Variants in NBAS observed in about 807,000 individuals in gnomAD.
NBAS encodes the protein NBAS subunit of NRZ tethering complex.
In NBAS, 219 loss-of-function variants were observed where a neutral mutation model predicts 302.5. That is an observed-to-expected ratio of 0.72 (90% CI 0.65 to 0.81). The LOEUF is 0.81. Among genes scored for constraint, NBAS ranks in the 30% least tolerant of loss-of-function variants. The pLI is 0.00. For missense variants in NBAS, 2,932 were observed against 2,841.6 expected (o/e 1.03, Z -0.72); for synonymous variants, 1,118 against 1,021.6 (o/e 1.09, Z -1.80).
the NBAS span, among the ~76,000 whole-genome samples, chr2:14,799,550 C>G: frequency 6.6e-6 from 1 of 152,066 alleles, no homozygotes; most frequent in Non-Finnish European, 1.5e-5. Context: ...TATTGGTACT[C>G]TGTTCTAAAA....
At chr2:14,864,421 A>C in the NBAS span, among the ~76,000 whole-genome samples, 1 of 152,258 alleles carries the variant, frequency 6.6e-6, no homozygotes, top group Non-Finnish European at 1.5e-5. Flanking sequence ...AGGTAGCCAT[A>C]GGGTAACCAG....
chr2:15,330,238 TCTC>T (rs2148231476), intron 36 of NBAS, among the ~76,000 whole-genome samples: 1 of 152,280 alleles, frequency 6.6e-6, no homozygotes, highest in East Asian at 1.9e-4. Context: ...GTTCAACTGT[TCTC>T]CTTCCTGAGA....
the NBAS span, among the ~76,000 whole-genome samples, chr2:14,821,279 G>A: frequency 1.3e-5 from 2 of 152,256 alleles, no homozygotes; most frequent in Middle Eastern, 3.4e-3. Context: ...AGGTGGCTTG[G>A]TGGTCAGAAG....
chr2:15,032,404 G>T, the NBAS span, among the ~76,000 whole-genome samples: 1 of 152,194 alleles, frequency 6.6e-6, no homozygotes, highest in African/African-American at 2.4e-5. Context: ...GTTGTAACAT[G>T]GCAAATAACT....
chr2:15,034,209 GGAA>G, the NBAS span, among the ~76,000 whole-genome samples: 1 of 15,602 alleles, frequency 6.4e-5, no homozygotes. Flanking sequence ...GAGAAGGAAA[GGAA>G]AGAAAGAGAG....
the NBAS span, among the ~76,000 whole-genome samples, chr2:15,074,145 C>T: frequency 6.6e-6 from 1 of 152,138 alleles, no homozygotes; most frequent in African/African-American, 2.4e-5. Context: ...CTCAAACATA[C>T]ATTCAAGTCC....
chr2:14,932,951 T>A, the NBAS span, among the ~76,000 whole-genome samples: 1 of 152,192 alleles, frequency 6.6e-6, no homozygotes, highest in African/African-American at 2.4e-5. Flanking sequence ...TTCTACTAAG[T>A]ATTGTTAAGG....
intron 29 of NBAS, 47 bp downstream of exon 29, chr2:15,383,168 T>C (rs781661447): frequency 7.0e-7 from 1 of 1,433,196 alleles, no homozygotes; most frequent in Admixed American, 1.9e-5. Context: ...ACCATAACAA[T>C]TAAAATTGTT....
chr2:14,874,837 G>A, the NBAS span, among the ~76,000 whole-genome samples: 3 of 150,066 alleles, frequency 2.0e-5, no homozygotes, highest in East Asian at 1.9e-4. Context: ...AGGAATGCAC[G>A]TTTACTTTTG....
At chr2:15,246,923 G>A (rs1668118049) in intron 44 of NBAS, among the ~76,000 whole-genome samples, 1 of 152,142 alleles carries the variant, frequency 6.6e-6, no homozygotes, top group African/African-American at 2.4e-5. Context: ...ACTACAACAG[G>A]GTAAACACAA....
chr2:15,397,477 T>C (rs759668787), intron 26 of NBAS: 1 of 521,824 alleles, frequency 1.9e-6, no homozygotes, highest in African/African-American at 2.0e-5. Context: ...CACCCGCAGG[T>C]CAAAATTGGC....
At chr2:15,426,594 C>T (rs939902149) in intron 22 of NBAS, among the ~76,000 whole-genome samples, 2 of 152,046 alleles carry the variant, frequency 1.3e-5, no homozygotes, top group African/African-American at 2.4e-5. Flanking sequence ...TTTTAATGTC[C>T]TAAATTTCTC....
rs368088311 is a variant in NBAS at position 15,478,272 on chromosome 2, A to C, written c.1101T>G (p.Leu367=). ...GQNEQPGYDD[L]NPDWRLSTEK... is the part of the protein sequence containing the mutation. ...CAGTAGAGAGCCTCCAATCAGGATT[A>C]AGGTCATCATAGCCTGGCTAAATAT... Residue 367 remains leucine, a synonymous_variant, in exon 13 of 52, where the codon CTT becomes CTG. Coordinates refer to ENST00000281513, the MANE Select transcript of NBAS (RefSeq NM_015909.4). 1.3e-5 allele frequency: 21 copies of C among 1,611,392 alleles called. No individual in the cohort carries two copies. The highest frequency in any genetic ancestry group is 1.8e-5 in the Non-Finnish European group (21 of 1,177,806).
At chr2:15,140,554 G>C in the NBAS span, among the ~76,000 whole-genome samples, 1 of 152,080 alleles carries the variant, frequency 6.6e-6, no homozygotes, top group African/African-American at 2.4e-5. Flanking sequence ...GTTTGTTCAG[G>C]GTTATATAAA....
intron 44 of NBAS, among the ~76,000 whole-genome samples, chr2:15,251,799 T>C (rs1668376665): frequency 6.6e-6 from 1 of 152,198 alleles, no homozygotes; most frequent in South Asian, 2.1e-4. Flanking sequence ...GCAAGGTCTT[T>C]ATGATGTGTA....
intron 32 of NBAS, among the ~76,000 whole-genome samples, chr2:15,363,001 T>C (rs1160998282): frequency 2.0e-5 from 3 of 152,080 alleles, no homozygotes; most frequent in African/African-American, 2.4e-5. Flanking sequence ...GACAGGTGAA[T>C]TGCTTGAGCC....
At chr2:15,163,797 C>CTTTT (rs34305039), downstream of NBAS, among the ~76,000 whole-genome samples, 61 of 143,388 alleles carry the variant, frequency 4.3e-4, no homozygotes, top group African/African-American at 1.4e-3. Flanking sequence ...AGTATTACAA[C>CTTTT]TTTTTTTTTT....
the NBAS span, among the ~76,000 whole-genome samples, chr2:14,954,789 G>C: frequency 6.6e-6 from 1 of 152,100 alleles, no homozygotes; most frequent in African/African-American, 2.4e-5. Flanking sequence ...GGGGAAAACT[G>C]CCCCCATGAT....
the NBAS span, among the ~76,000 whole-genome samples, chr2:15,012,694 C>T: frequency 6.6e-6 from 1 of 152,054 alleles, no homozygotes; most frequent in African/African-American, 2.4e-5. Context: ...ATTAGTCTAA[C>T]AGTGAATTTC....
Sources: gnomAD v4.1 joint callset for allele counts (sites outside exome capture counted in the v4.1 genomes callset) on GRCh38, gnomAD v4.1.1 for gene constraint, MANE v1.5 for transcripts, NCBI Gene and HGNC (gene_info 2026-07-23, HGNC 2026-07-21) for gene names.